The following AKAP8L variants were observed in gnomAD, a reference collection of about 807,000 sequenced individuals.
AKAP8L encodes the protein A-kinase anchor protein 8-like.
A neutral mutation model predicts 77.5 loss-of-function variants in AKAP8L; 34 were observed. That is an observed-to-expected ratio of 0.44 (90% CI 0.33 to 0.58). The LOEUF is 0.58. Among genes scored for constraint, AKAP8L ranks in the 20% least tolerant of loss-of-function variants. The pLI is 0.02. For missense variants in AKAP8L, 806 were observed against 887.6 expected (o/e 0.91, Z 1.17); for synonymous variants, 342 against 340.7 (o/e 1.00, Z -0.04).
intron 1 of AKAP8L, among the ~76,000 whole-genome samples, chr19:15,415,125 CT>C (rs1324867282): frequency 6.6e-6 from 1 of 152,156 alleles, no homozygotes; most frequent in African/African-American, 2.4e-5. Flanking sequence ...CTCTCGTCAA[CT>C]TTTTTTGCTC....
At chr19:15,414,044 C>T (rs1968155247) in intron 1 of AKAP8L, among the ~76,000 whole-genome samples, 1 of 151,348 alleles carries the variant, frequency 6.6e-6, no homozygotes, top group African/African-American at 2.4e-5. Flanking sequence ...GTTTTGGCTC[C>T]TATTATGAAT....
In AKAP8L at chr19:15,401,205, T is replaced by C; in HGVS notation, c.761A>G (p.Asn254Ser). ...GGTCCGCCTCATCTGCTTCATGCCATTGCCAAACCCGAAACCAAAGCGGGA... is the reference window on the plus strand; with the variant it reads ...GGTCCGCCTCATCTGCTTCATGCCACTGCCAAACCCGAAACCAAAGCGGGA... ...GGSRFGFGFGNGMKQMRRTWK... is the reference protein window; with the variant it reads ...GGSRFGFGFGSGMKQMRRTWK... Residue 254 changes from asparagine to serine, a missense_variant, in exon 5 of 14, where the codon AAT (asparagine) becomes AGT (serine). Asn to Ser is a conservative substitution (Grantham distance 46, BLOSUM62 1). Transcript: ENST00000397410. The surrounding 1 kb of genome is among the most constrained non-coding windows in gnomAD (Gnocchi z 6.2). 2 of 1,612,242 alleles carry C rather than the reference T, an allele frequency of 1.2e-6. No homozygotes were observed. The highest frequency in any genetic ancestry group is 2.2e-5 in the East Asian group (1 of 44,852).
rs776023850 is a variant in AKAP8L, at chr19:15,410,630, C to T, written c.14-36G>A. Reference sequence around the variant, plus strand: ...AGACAGTGGGGTTAATTTCCACAAGCAAGTCACAGGGAAATGACCTGAGAC... The same window carrying T: ...AGACAGTGGGGTTAATTTCCACAAGTAAGTCACAGGGAAATGACCTGAGAC... On this transcript the variant is annotated intron_variant, in intron 1 of 13. Transcript: ENST00000397410. 21 of 1,524,930 alleles carry T rather than the reference C, an allele frequency of 1.4e-5. No individual in the cohort carries two copies. The East Asian group carries it at 4.1e-4, about 30-fold the overall frequency. 94.5% of individuals were successfully genotyped at this position (1,524,930 alleles called of 1,614,324 possible).
chr19:15,394,844 C>T (rs939960236), intron 12 of AKAP8L, among the ~76,000 whole-genome samples: 17 of 152,140 alleles, frequency 1.1e-4, no homozygotes, highest in African/African-American at 3.9e-4. Context: ...CTAAAAAATA[C>T]AGTATTTAGA....
Position 15,401,533 on chromosome 19 carries a change from C to T in AKAP8L, c.433G>A (p.Asp145Asn). 1.2e-6 allele frequency: 2 copies of T among 1,613,674 alleles called. No homozygotes were observed. Residue 145 changes from aspartate to asparagine, a missense_variant, in exon 5 of 14, where the codon GAC becomes AAC. This residue lies in a region of AKAP8L where 580 missense variants were observed against 694.1 expected (regional missense o/e 0.84). Coordinates refer to ENST00000397410, the MANE Select transcript of AKAP8L (RefSeq NM_014371.4). This position sits in a 1 kb window ranked among gnomAD's most constrained non-coding sequence, Gnocchi z 6.2. ...ATCTCAGGGTCAAGCTCGCTGTAGT[C>T]ATAGCCTGACCGGTACAGGTCGCGC... ...SERDLYRSGY[D>N]YSELDPEMEM...
chr19:15,394,702 C>T (rs577179310), intron 12 of AKAP8L, among the ~76,000 whole-genome samples: 1 of 152,164 alleles, frequency 6.6e-6, no homozygotes, highest in South Asian at 2.1e-4. Flanking sequence ...AGCCACCACG[C>T]CCAGCCCAAA....
chr19:15,403,976 G>C lies in AKAP8L; in HGVS notation c.121+34C>G, dbSNP rs765714038. ...AGAAACACAGCCAGGACAACCCCAA[G>C]GGACAGGACAGCAATCACAGGAATG... On this transcript the variant is annotated intron_variant, in intron 3 of 13. Transcript: ENST00000397410. This position sits in a 1 kb window ranked among gnomAD's most constrained non-coding sequence, Gnocchi z 4.3. The C allele has an allele frequency of 1.3e-5, 21 of 1,612,724 alleles. No homozygotes were observed. The Admixed American group carries it at 3.3e-4, about 26-fold the overall frequency.
rs191726452 is a variant in AKAP8L, at chr19:15,400,243, T to C, written c.1048+52A>G. On this transcript the variant is annotated intron_variant, in intron 8 of 13. Transcript: ENST00000397410. ...CTGCCCTCAGCTGGGTCCCTCCCAC[T>C]GTGAGCCCCTGGAAGAGCCGCCCTA... is the stretch of plus-strand genomic sequence containing the variant. The C allele has an allele frequency of 7.8e-4, 1,238 of 1,594,452 alleles. 20 individuals carry two copies. In the East Asian group the frequency reaches 0.023, roughly 29 times the overall value.
At chr19:15,381,497 A>G (rs1967416426) in intron 12 of AKAP8L, among the ~76,000 whole-genome samples, 2 of 152,232 alleles carry the variant, frequency 1.3e-5, no homozygotes, top group African/African-American at 4.8e-5. Flanking sequence ...TGATCATTAT[A>G]AAAACCATAA....
intron 12 of AKAP8L, among the ~76,000 whole-genome samples, chr19:15,385,389 G>C (rs1967512698): frequency 2.0e-5 from 3 of 151,274 alleles, no homozygotes; most frequent in Admixed American, 1.3e-4. Flanking sequence ...CACCGTGTTA[G>C]CCAGGATGGT....
intron 1 of AKAP8L, among the ~76,000 whole-genome samples, chr19:15,413,876 G>A (rs1242863574): frequency 3.3e-5 from 5 of 152,070 alleles, no homozygotes; most frequent in African/African-American, 7.2e-5. Flanking sequence ...CTGTTCAGGC[G>A]AGAGGGGCCC....
chr19:15,410,881 C>T (rs1055552701), intron 1 of AKAP8L, among the ~76,000 whole-genome samples: 1 of 152,240 alleles, frequency 6.6e-6, no homozygotes, highest in African/African-American at 2.4e-5. Flanking sequence ...GGCATGATCA[C>T]GGCTCACTGC....
rs1194930173 is a variant in AKAP8L at position 15,410,666 on chromosome 19, T to C, written c.14-72A>G. The C allele has an allele frequency of 2.4e-5, 30 of 1,257,572 alleles. No individual in the cohort carries two copies. The Admixed American group carries it at 5.4e-4, about 23-fold the overall frequency. 77.9% of individuals were successfully genotyped at this position (1,257,572 alleles called of 1,614,324 possible). A position where few individuals can be genotyped will look rare whatever the true frequency, so the allele number is the denominator to read the frequency against. ...GAAATGACCTGAGACTACCTAACCT[T>C]TGGTATAGGATTGCCAGCAGGCCCT... On this transcript the variant is annotated intron_variant, in intron 1 of 13. Transcript: ENST00000397410.
chr19:15,413,300 T>C (rs1968142225), intron 1 of AKAP8L, among the ~76,000 whole-genome samples: 1 of 152,220 alleles, frequency 6.6e-6, no homozygotes, highest in Non-Finnish European at 1.5e-5. Context: ...TCTTTCTTTG[T>C]CCTACTTAGT....
intron 1 of AKAP8L, among the ~76,000 whole-genome samples, chr19:15,418,256 C>T (rs898746610): frequency 6.6e-6 from 1 of 152,212 alleles, no homozygotes; most frequent in African/African-American, 2.4e-5. Flanking sequence ...TGTCTGTATT[C>T]CCAATACCCA....
At chr19:15,411,777 A>G (rs897606017) in intron 1 of AKAP8L, among the ~76,000 whole-genome samples, 1 of 151,980 alleles carries the variant, frequency 6.6e-6, no homozygotes, top group Non-Finnish European at 1.5e-5. Flanking sequence ...TTAGGGCTGG[A>G]TGCAGTGGCT....
At chr19:15,395,170 C>T (rs961543489) in intron 12 of AKAP8L, among the ~76,000 whole-genome samples, 10 of 152,092 alleles carry the variant, frequency 6.6e-5, no homozygotes, top group African/African-American at 2.2e-4. Context: ...GCTGGGACTA[C>T]ATGCACCTGC....
At position 15,385,416 on chromosome 19, in the gene AKAP8L, C is replaced by T. The variant is rs183244295; in HGVS notation, c.1537-4804G>A. Among the ~76,000 whole-genome samples the T allele has an allele frequency of 6.2e-3, 942 of 151,976 alleles. 9 individuals are homozygous for T. The highest frequency in any genetic ancestry group is 0.022 in the African/African-American group (903 of 41,448). On this transcript the variant is annotated intron_variant, in intron 12 of 13. Transcript: ENST00000397410. The stretch of plus-strand genomic sequence containing the variant: ...CAGGATGGTCTCGATCTCCTGACCT[C>T]GTGATCCACCCACCTCGGCCTCCCA...
chr19:15,416,109 G>A (rs1251282815), intron 1 of AKAP8L, among the ~76,000 whole-genome samples: 1 of 151,492 alleles, frequency 6.6e-6, no homozygotes, highest in Non-Finnish European at 1.5e-5. Flanking sequence ...TTACAAGTGT[G>A]AGCCACCGTG....
Sources: gnomAD v4.1 joint callset for allele counts (sites outside exome capture counted in the v4.1 genomes callset) on GRCh38, gnomAD v4.1.1 for gene constraint, gnomAD v4.1.1 regional missense constraint, Gnocchi (gnomAD v3.1) non-coding constraint, MANE v1.5 for transcripts, NCBI Gene and HGNC (gene_info 2026-07-23, HGNC 2026-07-21) for gene names.